The following SERINC5 variants were observed in gnomAD, a reference collection of about 807,000 sequenced individuals.
SERINC5 encodes chromosome 5 open reading frame 12.
A neutral mutation model predicts 63.1 loss-of-function variants in SERINC5; 41 were observed. The ratio of observed to expected loss-of-function variants is 0.65; its 90% CI spans 0.51 to 0.84. SERINC5 has a LOEUF of 0.84. SERINC5 is among the 40% of genes least tolerant of loss of function. The probability of loss-of-function intolerance (pLI) is 0.00; values close to 1 mark genes in which losing one functional copy is unlikely to be tolerated. For missense variants in SERINC5, 523 were observed against 573.0 expected (o/e 0.91, Z 0.89); for synonymous variants, 222 against 215.2 (o/e 1.03, Z -0.28).
downstream of SERINC5, among the ~76,000 whole-genome samples, chr5:80,136,683 A>G (rs1745190329): frequency 6.6e-6 from 1 of 152,202 alleles, no homozygotes; most frequent in African/African-American, 2.4e-5. Flanking sequence ...ATCAGAGAAA[A>G]TGCTCGCAAA....
At chr5:80,211,435 T>C (rs1269781430) in intron 1 of SERINC5, among the ~76,000 whole-genome samples, 5 of 152,196 alleles carry the variant, frequency 3.3e-5, no homozygotes, top group Non-Finnish European at 7.3e-5. Context: ...TTTCTGTACA[T>C]GTCTGACAGG....
At chr5:80,213,657 C>T (rs1750536233) in intron 1 of SERINC5, among the ~76,000 whole-genome samples, 1 of 152,202 alleles carries the variant, frequency 6.6e-6, no homozygotes, top group Non-Finnish European at 1.5e-5. Context: ...GAAGAGGTCA[C>T]TTCCCTTTCT....
intron 2 of SERINC5, among the ~76,000 whole-genome samples, chr5:80,178,331 T>A (rs1414875151): frequency 6.9e-6 from 1 of 144,074 alleles, no homozygotes; most frequent in Non-Finnish European, 1.6e-5. Flanking sequence ...AAAATTACCT[T>A]TTTTTTAACC....
rs540508612 is a variant in SERINC5, at chr5:80,174,802, G to A, written c.551+152C>T. Among the ~76,000 whole-genome samples, 3 of 152,246 alleles carry A rather than the reference G, an allele frequency of 2.0e-5. No individual in the cohort carries two copies. In the South Asian group the frequency reaches 6.2e-4, roughly 32 times the overall value. ...GGCAGGGGGTCAAAAAGTGAGAAGT[G>A]AATGAAGGAGAGGAGTAAATGAAGA... is the stretch of plus-strand genomic sequence containing the variant. On this transcript the variant is annotated intron_variant, in intron 5 of 11. Transcript: ENST00000507668.
At chr5:80,148,572 G>T (rs1054896108) in intron 9 of SERINC5, among the ~76,000 whole-genome samples, 1 of 151,980 alleles carries the variant, frequency 6.6e-6, no homozygotes, top group African/African-American at 2.4e-5. Flanking sequence ...GGAGACTGAG[G>T]GAGGAAGACT....
At chr5:80,166,562 A>T in intron 6 of SERINC5, 84 bp from the exon 7 acceptor site, 1 of 818,242 alleles carries the variant, frequency 1.2e-6, no homozygotes, top group Non-Finnish European at 2.0e-6. Context: ...AGTCCCCATG[A>T]CAGTCCTCAA....
intron 2 of SERINC5, among the ~76,000 whole-genome samples, chr5:80,202,106 G>A (rs1425239251): frequency 1.3e-5 from 2 of 151,858 alleles, no homozygotes; most frequent in Non-Finnish European, 2.9e-5. Flanking sequence ...GCCGTGGTGG[G>A]GGGCACCTGT....
chr5:80,161,483 C>T (rs1746918524), intron 7 of SERINC5, among the ~76,000 whole-genome samples: 1 of 151,898 alleles, frequency 6.6e-6, no homozygotes, highest in African/African-American at 2.4e-5. Context: ...GCCTGTTGGC[C>T]ATTTATATGT....
intron 4 of SERINC5, among the ~76,000 whole-genome samples, chr5:80,176,735 C>T (rs767122887): frequency 1.3e-5 from 2 of 152,232 alleles, no homozygotes; most frequent in Admixed American, 6.5e-5. Flanking sequence ...CCACGCCTGG[C>T]CTAAATGTTT....
chr5:80,170,679 A>G (rs563301817), intron 5 of SERINC5, among the ~76,000 whole-genome samples: 51 of 152,296 alleles, frequency 3.3e-4, no homozygotes, highest in African/African-American at 1.2e-3. Flanking sequence ...GGCTTCCCCA[A>G]GTTTTCTCCA....
At chr5:80,233,725 T>C (rs1040881284) in intron 1 of SERINC5, among the ~76,000 whole-genome samples, 4 of 151,450 alleles carry the variant, frequency 2.6e-5, no homozygotes, top group African/African-American at 9.7e-5. Context: ...AATTGCTTCA[T>C]ATGTTTCTTA....
At chr5:80,199,462 A>G (rs1749698200) in intron 2 of SERINC5, among the ~76,000 whole-genome samples, 1 of 152,226 alleles carries the variant, frequency 6.6e-6, no homozygotes, top group Non-Finnish European at 1.5e-5. Context: ...TTACTCATAC[A>G]AGTCACTTAT....
chr5:80,132,336 G>A (rs1283387918), intron 11 of SERINC5, among the ~76,000 whole-genome samples: 1 of 152,152 alleles, frequency 6.6e-6, no homozygotes, highest in East Asian at 1.9e-4. Flanking sequence ...CCAGGTCTGG[G>A]TTAATCACAA....
chr5:80,195,195 A>G (rs1749422735), intron 2 of SERINC5, among the ~76,000 whole-genome samples: 1 of 151,890 alleles, frequency 6.6e-6, no homozygotes, highest in East Asian at 1.9e-4. Context: ...CTGAGGCAGG[A>G]GAATCCCTTG....
At chr5:80,231,884 T>C (rs1043800783) in intron 1 of SERINC5, among the ~76,000 whole-genome samples, 1 of 150,762 alleles carries the variant, frequency 6.6e-6, no homozygotes, top group African/African-American at 2.4e-5. Context: ...GAGGATTACC[T>C]GAGCCCAAGA....
At chr5:80,212,313 T>C (rs944170803) in intron 1 of SERINC5, among the ~76,000 whole-genome samples, 1 of 152,196 alleles carries the variant, frequency 6.6e-6, no homozygotes, top group South Asian at 2.1e-4. Context: ...ACCAAGGTAA[T>C]AGAAGACATC....
At chr5:80,237,766 A>G (rs1751761706) in intron 1 of SERINC5, among the ~76,000 whole-genome samples, 1 of 152,090 alleles carries the variant, frequency 6.6e-6, no homozygotes, top group Non-Finnish European at 1.5e-5. Flanking sequence ...AGAAAAAAAA[A>G]AAGAAGTCAG....
intron 11 of SERINC5, among the ~76,000 whole-genome samples, chr5:80,120,261 G>A (rs1241464226): frequency 6.6e-6 from 1 of 152,188 alleles, no homozygotes; most frequent in Admixed American, 6.5e-5. Flanking sequence ...TCACCAAGGG[G>A]ATATGGTTCT....
At chr5:80,123,103 A>ATTTT (rs1231797776) in intron 11 of SERINC5, among the ~76,000 whole-genome samples, 10 of 87,236 alleles carry the variant, frequency 1.1e-4, no homozygotes, top group Non-Finnish European at 1.4e-4. Context: ...TTTTGTCATC[A>ATTTT]ATTTTTCTTT....
Sources: allele counts gnomAD v4.1 joint callset (sites outside exome capture counted in the v4.1 genomes callset), GRCh38; gene constraint gnomAD v4.1.1; transcripts MANE v1.5; gene names NCBI Gene and HGNC (gene_info 2026-07-23, HGNC 2026-07-21).